Variants in DCC observed in about 807,000 individuals in gnomAD.
DCC encodes DCC netrin 1 receptor, also known as netrin receptor DCC.
DCC carries 58 observed loss-of-function variants against 172.5 expected under a neutral mutation model. The observed-to-expected ratio is 0.34, with a 90% CI of 0.27 to 0.42. The LOEUF (loss-of-function observed/expected upper bound fraction) is 0.42, where lower values mean the gene tolerates loss of function less well. Ranked by LOEUF, DCC falls within the 10% of genes least tolerant of loss-of-function variation. DCC has a pLI of 1.00. For synonymous variants in DCC, 709 were observed against 644.5 expected, an observed-to-expected ratio of 1.10 and a Z score of -1.52; for missense variants, 1,740 against 1,791.0, an observed-to-expected ratio of 0.97 and a Z score of 0.51.
chr18:52,838,020 C>G lies in DCC; in HGVS notation c.413-68024C>G, dbSNP rs116971538. Among the ~76,000 whole-genome samples the G allele has an allele frequency of 7.7e-3, 1,167 of 152,264 alleles. 13 individuals are homozygous for G. Among genetic ancestry groups the G allele is most frequent in the Non-Finnish European group, 0.01 (697 of 68,024 alleles). ...ATCAGATCTCATGAGAGCTAACTCA[C>G]TATCACGAGAACAGGGTGGGGAAAC... On this transcript the variant is annotated intron_variant, in intron 2 of 28. Coordinates refer to ENST00000442544, the MANE Select transcript of DCC (RefSeq NM_005215.4).
At chr18:53,016,979 G>C (rs1397618010) in intron 5 of DCC, among the ~76,000 whole-genome samples, 1 of 151,956 alleles carries the variant, frequency 6.6e-6, no homozygotes, top group East Asian at 1.9e-4. Context: ...ACATGCGGCA[G>C]AGTACTTTGA....
chr18:53,211,503 C>T lies in DCC; in HGVS notation c.1861+3686C>T, dbSNP rs571207475. On this transcript the variant is annotated intron_variant, in intron 11 of 28. Transcript: ENST00000442544. Reference sequence around the variant, plus strand: ...CTGTGGGAGGCCCAGGCGGGCAGATCACAAGGTCAGGAGATCTAAAGCATC... The same window carrying T: ...CTGTGGGAGGCCCAGGCGGGCAGATTACAAGGTCAGGAGATCTAAAGCATC... Among the ~76,000 whole-genome samples the T allele has an allele frequency of 2.0e-5, 3 of 152,296 alleles. No homozygotes were observed. The South Asian group carries it at 6.2e-4, about 32-fold the overall frequency.
intron 12 of DCC, among the ~76,000 whole-genome samples, chr18:53,253,259 A>C (rs2056462512): frequency 6.6e-6 from 1 of 151,944 alleles, no homozygotes; most frequent in Admixed American, 6.6e-5. Context: ...TTCCTATACT[A>C]ATGGTGAATA....
chr18:52,586,661 T>A (rs1750884658), intron 1 of DCC, among the ~76,000 whole-genome samples: 1 of 151,894 alleles, frequency 6.6e-6, no homozygotes, highest in Non-Finnish European at 1.5e-5. Flanking sequence ...TGACGGTGAG[T>A]GGTGCCACTT....
At chr18:52,694,606 C>T (rs1027647665) in intron 1 of DCC, among the ~76,000 whole-genome samples, 2 of 151,960 alleles carry the variant, frequency 1.3e-5, no homozygotes, top group Middle Eastern at 3.4e-3. Context: ...TTTTTACATT[C>T]TTAAAAATAT....
At chr18:52,498,749 C>T (rs757050959) in intron 1 of DCC, among the ~76,000 whole-genome samples, 1 of 152,116 alleles carries the variant, frequency 6.6e-6, no homozygotes, top group African/African-American at 2.4e-5. Flanking sequence ...CTTTTCCTGG[C>T]TTGAAAAGGC....
At position 53,126,840 on chromosome 18, in the gene DCC, A is replaced by C. The variant is rs541078580; in HGVS notation, c.1262-30516A>C. Among the ~76,000 whole-genome samples, 67 of 152,260 alleles carry C rather than the reference A, an allele frequency of 4.4e-4. 3 individuals carry two copies. In the South Asian group the frequency reaches 0.014, roughly 32 times the overall value. On this transcript the variant is annotated intron_variant, in intron 7 of 28. Coordinates refer to ENST00000442544, the MANE Select transcript of DCC (RefSeq NM_005215.4). ...ACACGTAGAAATTATTGGGAAGAAA[A>C]ACAAAAATCGAAACTCACAAATGAG...
chr18:52,722,320 C>T (rs1231394681), intron 1 of DCC, among the ~76,000 whole-genome samples: 2 of 152,168 alleles, frequency 1.3e-5, no homozygotes, highest in Admixed American at 6.5e-5. Flanking sequence ...TATCTGCTAA[C>T]TTCCATCTGT....
At chr18:52,551,965 G>C (rs1144074) in intron 1 of DCC, among the ~76,000 whole-genome samples, 38,076 of 151,808 alleles carry the variant, frequency 0.25, 4,952 homozygotes, top group African/African-American at 0.31. Context: ...TGGATTTGGT[G>C]TGGGGGGTAT....
At chr18:52,820,359 A>G (rs1420060615) in intron 2 of DCC, among the ~76,000 whole-genome samples, 1 of 152,216 alleles carries the variant, frequency 6.6e-6, no homozygotes, top group African/African-American at 2.4e-5. Context: ...CATTTATAAA[A>G]GCACCCCCAA....
chr18:52,893,574 T>A (rs1490681166), intron 2 of DCC, among the ~76,000 whole-genome samples: 1 of 152,184 alleles, frequency 6.6e-6, no homozygotes, highest in Non-Finnish European at 1.5e-5. Flanking sequence ...AAATCCTTGT[T>A]AGGGTTTTGT....
chr18:53,041,498 GT>G (rs201088552), intron 5 of DCC, among the ~76,000 whole-genome samples: 8 of 151,720 alleles, frequency 5.3e-5, no homozygotes, highest in Admixed American at 2.0e-4. Flanking sequence ...GGCTATCCAG[GT>G]TTTTTTTGGT....
chr18:53,013,898 G>A (rs111348489), intron 5 of DCC, among the ~76,000 whole-genome samples: 3,462 of 152,152 alleles, frequency 0.023, 50 homozygotes, highest in Middle Eastern at 0.048. Flanking sequence ...TTTGAAGACT[G>A]GTGAAAGTTT....
Position 53,532,566 on chromosome 18 carries a change from T to A in DCC, c.*1913T>A, listed in dbSNP as rs779830318. Reference sequence around the variant, plus strand: ...TTCTACTGACCTGGAATAAAGTGTTTCCTAACATAATATTGAATTATTCAG... The same window carrying A: ...TTCTACTGACCTGGAATAAAGTGTTACCTAACATAATATTGAATTATTCAG... On this transcript the variant is annotated 3_prime_UTR_variant, in exon 29 of 29. Transcript: ENST00000442544. The A allele has an allele frequency of 1.4e-4, 21 of 152,234 alleles. No individual in the cohort carries two copies. The highest frequency in any genetic ancestry group is 1.0e-3 in the Admixed American group (16 of 15,282). The allele number at this position is 152,234 out of a possible 1,614,324, so 9.4% of individuals were successfully genotyped here.
At chr18:53,429,408 TA>T (rs1209888071) in intron 21 of DCC, among the ~76,000 whole-genome samples, 3 of 115,990 alleles carry the variant, frequency 2.6e-5, no homozygotes, top group Non-Finnish European at 6.5e-5. Flanking sequence ...TGTATCCTGG[TA>T]TTTTTTTTGT....
chr18:53,204,852 G>T (rs1389011336), intron 9 of DCC, among the ~76,000 whole-genome samples: 1 of 152,120 alleles, frequency 6.6e-6, no homozygotes, highest in Non-Finnish European at 1.5e-5. Flanking sequence ...TCCTTCTGCA[G>T]TTATTAGCCA....
At chr18:53,047,266 A>AATTT (rs1205209944) in intron 5 of DCC, among the ~76,000 whole-genome samples, 767 of 16,920 alleles carry the variant, frequency 0.045, 58 homozygotes, top group African/African-American at 0.24. Flanking sequence ...ATATATATAT[A>AATTT]TATATATATA....
At chr18:53,001,517 A>G (rs1052286563) in intron 5 of DCC, among the ~76,000 whole-genome samples, 4 of 152,126 alleles carry the variant, frequency 2.6e-5, no homozygotes, top group Non-Finnish European at 5.9e-5. Flanking sequence ...TGAGAACAGT[A>G]AGTCACTTTT....
intron 1 of DCC, among the ~76,000 whole-genome samples, chr18:52,649,973 A>AT (rs71175512): frequency 0.21 from 22,152 of 106,702 alleles, 2,624 homozygotes; most frequent in Non-Finnish European, 0.29. Context: ...TGATAGTTCT[A>AT]TTTTTTTTTT....
Sources: allele counts gnomAD v4.1 joint callset (sites outside exome capture counted in the v4.1 genomes callset), GRCh38; gene constraint gnomAD v4.1.1; transcripts MANE v1.5; gene names NCBI Gene and HGNC (gene_info 2026-07-23, HGNC 2026-07-21).